Variants in EIF2AK3 observed in about 807,000 individuals in gnomAD.
EIF2AK3 encodes the protein eukaryotic translation initiation factor 2-alpha kinase 3.
Under a neutral mutation model 113.5 loss-of-function variants are expected in EIF2AK3, and 50 were observed. The ratio of observed to expected loss-of-function variants is 0.44; its 90% CI spans 0.35 to 0.56. The LOEUF is 0.56. Among genes scored for constraint, EIF2AK3 ranks in the 20% least tolerant of loss-of-function variants. EIF2AK3 has a pLI of 0.00. For missense variants in EIF2AK3, 1,185 were observed against 1,378.0 expected (o/e 0.86, Z 2.22); for synonymous variants, 448 against 495.4 (o/e 0.90, Z 1.27).
intron 13 of EIF2AK3, chr2:88,574,442 A>C (rs1217152138): frequency 1.7e-6 from 1 of 590,240 alleles, no homozygotes; most frequent in Non-Finnish European, 3.0e-6. Flanking sequence ...AATGAACACA[A>C]ACACATTACT....
chr2:88,623,717 G>GA (rs1675789781), intron 1 of EIF2AK3, among the ~76,000 whole-genome samples: 2 of 152,086 alleles, frequency 1.3e-5, no homozygotes, highest in Admixed American at 6.6e-5. Context: ...AGAGCATTTA[G>GA]AAAAAACTTT....
chr2:88,613,762 A>G lies in EIF2AK3; in HGVS notation c.400T>C (p.Ser134Pro). The stretch of plus-strand genomic sequence containing the variant: ...AGGCTGGATGACACCAAGGAACCGG[A>G]TCCCACATCCAAATCCCACTGCTTT... The part of the protein sequence containing the change: ...GKKQWDLDVG[S>P]GSLVSSSLSK... The change falls in exon 2 of 17, where the codon TCC becomes CCC. Residue 134 changes from serine (S) to proline (P), a missense_variant. Coordinates refer to ENST00000303236, the MANE Select transcript of EIF2AK3 (RefSeq NM_004836.7). The G allele has an allele frequency of 1.2e-6, 2 of 1,614,152 alleles. No individual in the cohort carries two copies. Among genetic ancestry groups the G allele is most frequent in the African/African-American group, 1.3e-5 (1 of 75,048 alleles).
At chr2:88,570,654 C>T (rs775726982) in intron 14 of EIF2AK3, among the ~76,000 whole-genome samples, 1 of 152,116 alleles carries the variant, frequency 6.6e-6, no homozygotes, top group African/African-American at 2.4e-5. Flanking sequence ...GGGGTGAGTG[C>T]ATTTTATGTG....
intron 2 of EIF2AK3, among the ~76,000 whole-genome samples, chr2:88,608,700 CTTTTTTTTTT>C (rs1176748814): frequency 6.5e-5 from 4 of 62,002 alleles, no homozygotes; most frequent in African/African-American, 2.9e-4. Context: ...TTTTTGATTT[CTTTTTTTTTT>C]TTTTTTTTTT....
At chr2:88,586,913 T>A (rs1483953817) in intron 8 of EIF2AK3, among the ~76,000 whole-genome samples, 1 of 149,616 alleles carries the variant, frequency 6.7e-6, no homozygotes, top group East Asian at 2.1e-4. Context: ...TTGATCAATA[T>A]CAAGATAAAG....
chr2:88,562,898 A>G (rs1308279712), intron 14 of EIF2AK3, among the ~76,000 whole-genome samples: 1 of 152,124 alleles, frequency 6.6e-6, no homozygotes, highest in Non-Finnish European at 1.5e-5. Flanking sequence ...TCATGTGTAT[A>G]TTTCTTATTC....
At position 88,575,272 on chromosome 2, in the gene EIF2AK3, C is replaced by T. The variant is rs765442506; in HGVS notation, c.2211G>A (p.Gln737=). The change falls in exon 13 of 17, where the codon CAG becomes CAA. Residue 737 remains glutamine, a synonymous_variant. Coordinates refer to ENST00000303236, the MANE Select transcript of EIF2AK3 (RefSeq NM_004836.7). The part of the protein sequence containing the change: ...SCDQTSSSES[Q]FSPLEFSGMD... ...TTCCTGAGAATTCCAGTGGTGAGAACTGGCTCTCAGATGAACTTGTCTGGT... is the reference window on the plus strand; with the variant it reads ...TTCCTGAGAATTCCAGTGGTGAGAATTGGCTCTCAGATGAACTTGTCTGGT... The T allele has an allele frequency of 3.7e-6, 6 of 1,614,036 alleles. No individual in the cohort carries two copies. In the East Asian group the frequency reaches 1.1e-4, roughly 30 times the overall value.
chr2:88,579,493 G>A (rs780096326), intron 11 of EIF2AK3, 25 bp downstream of exon 11: 17 of 1,612,766 alleles, frequency 1.1e-5, no homozygotes, highest in Non-Finnish European at 1.3e-5. Flanking sequence ...CTGATTTCAA[G>A]TTTACTGAAG....
At chr2:88,563,323 T>C (rs1179007482) in intron 14 of EIF2AK3, among the ~76,000 whole-genome samples, 1 of 152,202 alleles carries the variant, frequency 6.6e-6, no homozygotes, top group East Asian at 1.9e-4. Context: ...TGCCTGCCTC[T>C]GTACTTATAG....
intron 4 of EIF2AK3, among the ~76,000 whole-genome samples, 188 bp downstream of exon 4, chr2:88,593,083 AG>A (rs1315498404): frequency 6.6e-6 from 1 of 152,174 alleles, no homozygotes; most frequent in East Asian, 1.9e-4. Context: ...TGGAGGTTGC[AG>A]TGAGCCAATA....
chr2:88,611,186 G>T (rs976586961), intron 2 of EIF2AK3, among the ~76,000 whole-genome samples: 1 of 152,198 alleles, frequency 6.6e-6, no homozygotes, highest in African/African-American at 2.4e-5. Flanking sequence ...GCAGAATGGA[G>T]TACAGTCAGG....
chr2:88,627,720 C>T (rs147304845), upstream of EIF2AK3: 423 of 160,194 alleles, frequency 2.6e-3, 2 homozygotes, highest in Non-Finnish European at 4.1e-3. Context: ...TCCCGGAATA[C>T]CTTTCCTACA....
At position 88,595,605 on chromosome 2, in the gene EIF2AK3, T is replaced by C. The variant is rs13045; in HGVS notation, c.497A>G (p.Gln166Arg). 0.66 allele frequency: 1,061,976 copies of C among 1,613,308 alleles called. 353,757 individuals carry two copies. The highest frequency in any genetic ancestry group is 0.87 in the African/African-American group (64,985 of 74,946). Residue 166 changes from glutamine (Q) to arginine (R), a missense_variant, in exon 3 of 17, where the codon CAA (glutamine) becomes CGA (arginine). Physicochemically the swap from Gln to Arg is conservative, Grantham distance 43 (BLOSUM62 1). Around this residue, in one of 3 missense-constraint regions of EIF2AK3, gnomAD observed 119 missense variants for 178.7 expected, o/e 0.67. Transcript: ENST00000303236. ...AACTGTTTCCATGCTTTCACGGTCT[T>C]GGTCCCACTGGAAGAGGGCTCCATC... ...SLDGALFQWD[Q>R]DRESMETVPF...
intron 15 of EIF2AK3, among the ~76,000 whole-genome samples, chr2:88,559,907 C>G (rs547458047): frequency 1.5e-3 from 232 of 152,226 alleles, no homozygotes; most frequent in Non-Finnish European, 2.5e-3. Context: ...AAATAATGCT[C>G]ATATGAACAG....
chr2:88,566,564 T>A (rs911649265), intron 14 of EIF2AK3, among the ~76,000 whole-genome samples: 1 of 152,176 alleles, frequency 6.6e-6, no homozygotes, highest in African/African-American at 2.4e-5. Flanking sequence ...GACGTGCAGG[T>A]CTGTTACACA....
chr2:88,623,737 C>A (rs562230197), intron 1 of EIF2AK3, among the ~76,000 whole-genome samples: 3 of 152,188 alleles, frequency 2.0e-5, no homozygotes, highest in East Asian at 1.9e-4. Flanking sequence ...TTATAAACTG[C>A]GTATTTATCT....
intron 1 of EIF2AK3, among the ~76,000 whole-genome samples, chr2:88,626,542 A>G (rs1675863086): frequency 6.6e-6 from 1 of 152,238 alleles, no homozygotes; most frequent in Admixed American, 6.5e-5. Flanking sequence ...TGTGTTTGAA[A>G]GAAAATGCAG....
intron 6 of EIF2AK3, 152 bp from the exon 7 acceptor site, chr2:88,589,053 C>T: frequency 1.1e-6 from 1 of 920,048 alleles, no homozygotes. Flanking sequence ...AAGATAAACT[C>T]AATGTTTATT....
At chr2:88,608,700 C>CTTTTTTTTTTTTTTTTTTTTTTT (rs1176748814) in intron 2 of EIF2AK3, among the ~76,000 whole-genome samples, 1 of 62,002 alleles carries the variant, frequency 1.6e-5, no homozygotes, top group African/African-American at 7.2e-5. Flanking sequence ...TTTTTGATTT[C>CTTTTTTTTTTTTTTTTTTTTTTT]TTTTTTTTTT....
Sources: gnomAD v4.1 joint callset for allele counts (sites outside exome capture counted in the v4.1 genomes callset) on GRCh38, gnomAD v4.1.1 for gene constraint, gnomAD v4.1.1 regional missense constraint, MANE v1.5 for transcripts, NCBI Gene and HGNC (gene_info 2026-07-23, HGNC 2026-07-21) for gene names.